The following PEMT variants were observed in gnomAD, a reference collection of about 807,000 sequenced individuals.
The protein encoded by PEMT is phosphatidylethanolamine N-methyltransferase.
Under a neutral mutation model 27.4 loss-of-function variants are expected in PEMT, and 23 were observed. That is an observed-to-expected ratio of 0.84 (90% confidence interval 0.60 to 1.19). The LOEUF is 1.19. Ranked by LOEUF, PEMT falls within the 50% of genes most tolerant of loss-of-function variation. PEMT has a pLI of 0.00. For synonymous variants in PEMT, 137 were observed against 139.1 expected (o/e 0.98, Z 0.11); for missense variants, 307 against 310.1 (o/e 0.99, Z 0.07).
chr17:17,582,068 G>A lies in PEMT; in HGVS notation c.97-5041C>T, dbSNP rs149238701. ...GGTCCCACATCCAGGCTCTGCCTCC[G>A]GGTGTCAGAGTCTCCCTTGATGGCC... On this transcript the variant is annotated intron_variant, in intron 1 of 6. Transcript: ENST00000255389. This position sits in a 1 kb window ranked among gnomAD's most constrained non-coding sequence, Gnocchi z 4.9. Among the ~76,000 whole-genome samples, 117 of 152,258 alleles carry A rather than the reference G, an allele frequency of 7.7e-4. No individual in the cohort carries two copies. The East Asian group carries it at 0.018, about 24-fold the overall frequency.
At chr17:17,571,332 G>C (rs891543838) in intron 2 of PEMT, among the ~76,000 whole-genome samples, 2 of 152,158 alleles carry the variant, frequency 1.3e-5, no homozygotes, top group Admixed American at 6.5e-5. Context: ...CGGTCTCCAG[G>C]AAGAGTGAGG....
intron 2 of PEMT, among the ~76,000 whole-genome samples, chr17:17,562,551 G>T (rs972745011): frequency 6.6e-6 from 1 of 152,242 alleles, no homozygotes; most frequent in Non-Finnish European, 1.5e-5. Flanking sequence ...TGGCTCACCT[G>T]TAATCCCAGC....
chr17:17,573,970 C>T (rs930309388), intron 2 of PEMT, among the ~76,000 whole-genome samples: 4 of 151,842 alleles, frequency 2.6e-5, no homozygotes, highest in African/African-American at 9.7e-5. Context: ...TTTGTAGTGG[C>T]AGGGTTTTGC....
rs1221891416 is a variant in PEMT, at chr17:17,533,382, T to A, written c.205-10987A>T. ...GTAAGAGCTAAAACTATAAAACTCT[T>A]AGAAGAAAACATAGGTATAAATCTT... is the stretch of plus-strand genomic sequence containing the variant. On this transcript the variant is annotated intron_variant, in intron 2 of 6. Transcript: ENST00000255389. 2.0e-5 allele frequency among the ~76,000 whole-genome samples: 3 copies of A among 152,298 alleles called. No homozygotes were observed. The East Asian group carries it at 5.8e-4, about 29-fold the overall frequency.
intron 2 of PEMT, among the ~76,000 whole-genome samples, chr17:17,541,598 A>G (rs1908888836): frequency 6.6e-6 from 1 of 152,260 alleles, no homozygotes; most frequent in African/African-American, 2.4e-5. Context: ...ACATCTGCCC[A>G]GACCTGGGAC....
At chr17:17,506,400 C>G in intron 5 of PEMT, 99 bp from the exon 6 acceptor site, 3 of 824,518 alleles carry the variant, frequency 3.6e-6, no homozygotes, top group Non-Finnish European at 5.7e-6. Context: ...GACCCTGGCC[C>G]TCCGGCCGAC....
rs547169121 is a variant in PEMT at position 17,572,947 on chromosome 17, G to C, written c.204+3973C>G. ...CTCATGCCTGTAATCCCAGCACTTT[G>C]GGAGGCCAACGCGGGCAGATCACCT... On this transcript the variant is annotated intron_variant, in intron 2 of 6. Coordinates refer to ENST00000255389, the MANE Select transcript of PEMT (RefSeq NM_148172.3). 5.3e-4 allele frequency among the ~76,000 whole-genome samples: 81 copies of C among 152,268 alleles called. 3 individuals carry two copies. The South Asian group carries it at 9.1e-3, about 17-fold the overall frequency.
At chr17:17,540,193 G>A (rs936157063) in intron 2 of PEMT, among the ~76,000 whole-genome samples, 2 of 152,190 alleles carry the variant, frequency 1.3e-5, no homozygotes, top group African/African-American at 4.8e-5. Flanking sequence ...GGCTCATGGA[G>A]GAAGGAAGAA....
At chr17:17,505,905 C>T (rs563049169) in intron 6 of PEMT, 57 bp from the exon 7 acceptor site, 13 of 1,548,232 alleles carry the variant, frequency 8.4e-6, no homozygotes, top group African/African-American at 2.7e-5. Flanking sequence ...ACCCACTGCC[C>T]GCACCAGAGC....
rs758029616 is a variant in PEMT, at chr17:17,591,616, G to A, written c.11C>T (p.Ser4Phe). The change falls in exon 1 of 7, where the codon TCT becomes TTT. Residue 4 changes from serine to phenylalanine, a missense_variant. Transcript: ENST00000255389. MKRSGNPGAEVTNS... is the reference protein window; with the variant it reads MKRFGNPGAEVTNS... ...CGTTACCTCGGCTCCCGGGTTCCCAGATCTCTTCATCCGGGGGCCGCCTCA... is the reference window on the plus strand; with the variant it reads ...CGTTACCTCGGCTCCCGGGTTCCCAAATCTCTTCATCCGGGGGCCGCCTCA... The A allele has an allele frequency of 1.9e-6, 3 of 1,612,756 alleles. No homozygotes were observed. The South Asian group carries it at 3.3e-5, about 18-fold the overall frequency.
intron 2 of PEMT, among the ~76,000 whole-genome samples, chr17:17,543,196 G>A (rs768142549): frequency 2.0e-5 from 3 of 152,210 alleles, no homozygotes; most frequent in Admixed American, 6.5e-5. Context: ...TGAGGGCCTC[G>A]CATGTGCATG....
intron 2 of PEMT, among the ~76,000 whole-genome samples, chr17:17,536,321 T>C (rs1053904951): frequency 6.6e-6 from 1 of 152,210 alleles, no homozygotes; most frequent in East Asian, 1.9e-4. Flanking sequence ...CCCTGCCACA[T>C]GCTGTTCCTG....
chr17:17,586,288 G>GAAAGAAAGAAAGAAAAA (rs1555546133), intron 1 of PEMT, among the ~76,000 whole-genome samples: 2 of 72,064 alleles, frequency 2.8e-5, no homozygotes, highest in East Asian at 3.9e-4. Flanking sequence ...AAGAAAGAAA[G>GAAAGAAAGAAAGAAAAA]AAAAAAAAAA....
intron 1 of PEMT, among the ~76,000 whole-genome samples, chr17:17,589,145 A>G (rs974934898): frequency 6.6e-6 from 1 of 152,162 alleles, no homozygotes; most frequent in African/African-American, 2.4e-5. Context: ...TATTTTTAGT[A>G]GAGATGGGAT....
At chr17:17,579,058 G>C (rs1481252821) in intron 1 of PEMT, among the ~76,000 whole-genome samples, 1 of 152,188 alleles carries the variant, frequency 6.6e-6, no homozygotes, top group African/African-American at 2.4e-5. Context: ...TTCCTTCAAA[G>C]AGCGCTTTGA....
chr17:17,576,795 G>A (rs763208683), intron 2 of PEMT, 125 bp downstream of exon 2: 4 of 749,974 alleles, frequency 5.3e-6, no homozygotes, highest in Admixed American at 4.0e-5. Flanking sequence ...CGACAGACAC[G>A]GGAGGGAAGA....
intron 2 of PEMT, among the ~76,000 whole-genome samples, chr17:17,559,585 G>A (rs1415012412): frequency 6.6e-6 from 1 of 152,248 alleles, no homozygotes; most frequent in South Asian, 2.1e-4. Context: ...GGCTGGTGGG[G>A]CCAGATGAAG....
chr17:17,526,251 T>C (rs1034516661), intron 2 of PEMT, among the ~76,000 whole-genome samples: 6 of 151,890 alleles, frequency 4.0e-5, no homozygotes, highest in Non-Finnish European at 7.4e-5. Flanking sequence ...GCCTCTACCC[T>C]AGGGCAGAAG....
At chr17:17,522,444 C>T in intron 2 of PEMT, 49 bp from the exon 3 acceptor site, 2 of 1,091,448 alleles carry the variant, frequency 1.8e-6, no homozygotes, top group Non-Finnish European at 1.4e-6. Flanking sequence ...GGGGAGACTC[C>T]AGGGTGGGGG....
Sources: allele counts gnomAD v4.1 joint callset (sites outside exome capture counted in the v4.1 genomes callset), GRCh38; gene constraint gnomAD v4.1.1; non-coding constraint Gnocchi (gnomAD v3.1); transcripts MANE v1.5; gene names NCBI Gene and HGNC (gene_info 2026-07-23, HGNC 2026-07-21).